The following RGL1 variants were observed in gnomAD, a reference collection of about 807,000 sequenced individuals.
The protein encoded by RGL1 is ral guanine nucleotide dissociation stimulator-like 1.
Under a neutral mutation model 95.2 loss-of-function variants are expected in RGL1, and 24 were observed. The observed-to-expected ratio is 0.25, with a 90% CI of 0.18 to 0.35. The LOEUF is 0.35. Ranked by LOEUF, RGL1 falls within the 10% of genes least tolerant of loss-of-function variation. The pLI is 1.00. For synonymous variants in RGL1, 329 were observed against 344.9 expected (o/e 0.95, Z 0.51); for missense variants, 715 against 936.3 (o/e 0.76, Z 3.08).
intron 1 of RGL1, among the ~76,000 whole-genome samples, chr1:183,674,482 T>C (rs2102061214): frequency 6.6e-6 from 1 of 152,298 alleles, no homozygotes; most frequent in South Asian, 2.1e-4. Context: ...ATGCAACCTT[T>C]TTACTCTGAG....
intron 2 of RGL1, among the ~76,000 whole-genome samples, chr1:183,791,574 C>A (rs1660442724): frequency 6.6e-6 from 1 of 152,152 alleles, no homozygotes; most frequent in South Asian, 2.1e-4. Context: ...ACTAAGACTT[C>A]CAATTAACTT....
chr1:183,776,857 C>T (rs1440385636), intron 2 of RGL1, among the ~76,000 whole-genome samples: 1 of 152,118 alleles, frequency 6.6e-6, no homozygotes, highest in African/African-American at 2.4e-5. Context: ...TCACTGTTAG[C>T]GAGGTCTCCA....
chr1:183,667,548 ACTCCCAAC>A (rs1462157885), intron 1 of RGL1, among the ~76,000 whole-genome samples: 1 of 150,988 alleles, frequency 6.6e-6, no homozygotes, highest in Non-Finnish European at 1.5e-5. Flanking sequence ...CGTGTCTCTA[ACTCCCAAC>A]CTCAGGTGAT....
At chr1:183,864,699 A>G (rs1334477310) in intron 3 of RGL1, among the ~76,000 whole-genome samples, 4 of 152,248 alleles carry the variant, frequency 2.6e-5, no homozygotes, top group African/African-American at 7.2e-5. Flanking sequence ...AGAGGAAAAG[A>G]GAGGGTGGAG....
At chr1:183,776,772 G>C (rs1207410234) in intron 2 of RGL1, among the ~76,000 whole-genome samples, 1 of 152,130 alleles carries the variant, frequency 6.6e-6, no homozygotes, top group Non-Finnish European at 1.5e-5. Context: ...AGAGGGCAGG[G>C]GTCTGATCAT....
Position 183,736,160 on chromosome 1 carries a change from C to T in RGL1, c.-32-5966C>T, listed in dbSNP as rs192785909. On this transcript the variant is annotated intron_variant, in intron 1 of 18. Transcript: ENST00000304685. ...GTAAAGAGGCTATTTTAATATCATA[C>T]TGTTTGTTTGACTTTTGAGTAGTGA... Among the ~76,000 whole-genome samples the T allele has an allele frequency of 9.3e-4, 142 of 152,278 alleles. 2 individuals are homozygous for T. Among genetic ancestry groups the T allele is most frequent in the Non-Finnish European group, 3.4e-4 (23 of 68,028 alleles).
In RGL1 at chr1:183,682,690, G is replaced by T. The variant is rs193019644; in HGVS notation, c.-33+46189G>T. ...TGTAGACGTCTATTAGATGTGCTTG[G>T]TCCAGAGCTGAGTTCAAGTCCTGAA... is the stretch of plus-strand genomic sequence containing the variant. On this transcript the variant is annotated intron_variant, in intron 1 of 18. Coordinates refer to the RGL1 transcript ENST00000304685. Among the ~76,000 whole-genome samples, 18 of 152,272 alleles carry T rather than the reference G, an allele frequency of 1.2e-4. No homozygotes were observed. In the East Asian group the frequency reaches 3.3e-3, roughly 28 times the overall value.
intron 2 of RGL1, among the ~76,000 whole-genome samples, chr1:183,782,998 A>G (rs1288363667): frequency 6.6e-6 from 1 of 152,148 alleles, no homozygotes; most frequent in East Asian, 1.9e-4. Flanking sequence ...TTCCACTGGT[A>G]CTGAATTTCT....
At chr1:183,751,819 T>C (rs1658020671) in intron 2 of RGL1, among the ~76,000 whole-genome samples, 1 of 152,136 alleles carries the variant, frequency 6.6e-6, no homozygotes, top group Admixed American at 6.5e-5. Flanking sequence ...CCCTGACCCC[T>C]TGCACTTCCC....
At chr1:183,883,349 C>T (rs1390387270) in intron 5 of RGL1, among the ~76,000 whole-genome samples, 1 of 152,188 alleles carries the variant, frequency 6.6e-6, no homozygotes, top group Non-Finnish European at 1.5e-5. Context: ...ATTTTATTGC[C>T]CAAAGTCATA....
intron 7 of RGL1, among the ~76,000 whole-genome samples, chr1:183,887,608 T>C (rs879434884): frequency 6.6e-6 from 1 of 152,132 alleles, no homozygotes; most frequent in Admixed American, 6.6e-5. Context: ...CTCACGTTGC[T>C]ACCTTCCCCA....
chr1:183,650,811 A>C (rs1650692687), intron 1 of RGL1, among the ~76,000 whole-genome samples: 1 of 151,230 alleles, frequency 6.6e-6, no homozygotes, highest in Non-Finnish European at 1.5e-5. Flanking sequence ...ACATTCTCTT[A>C]CAATGTTGTT....
intron 3 of RGL1, among the ~76,000 whole-genome samples, chr1:183,864,673 G>A (rs1207868018): frequency 6.6e-6 from 1 of 152,204 alleles, no homozygotes; most frequent in Non-Finnish European, 1.5e-5. Context: ...TAAATAGCAG[G>A]TGCAGGACAG....
At chr1:183,810,867 A>G (rs1661662449) in intron 2 of RGL1, among the ~76,000 whole-genome samples, 1 of 152,168 alleles carries the variant, frequency 6.6e-6, no homozygotes, top group Non-Finnish European at 1.5e-5. Flanking sequence ...CTCCAGAGGC[A>G]TTCTGCGTCT....
At chr1:183,704,901 A>C (rs772256396) in intron 1 of RGL1, among the ~76,000 whole-genome samples, 1 of 152,208 alleles carries the variant, frequency 6.6e-6, no homozygotes, top group Non-Finnish European at 1.5e-5. Context: ...GCCATCCAAG[A>C]ACTGTGGCTT....
At chr1:183,889,058 A>G (rs574970590) in intron 8 of RGL1, among the ~76,000 whole-genome samples, 1 of 152,124 alleles carries the variant, frequency 6.6e-6, no homozygotes, top group Admixed American at 6.5e-5. Context: ...AAACCTTTAA[A>G]TGTTCTTTCC....
At chr1:183,699,816 C>T (rs1235256519) in intron 1 of RGL1, among the ~76,000 whole-genome samples, 2 of 152,162 alleles carry the variant, frequency 1.3e-5, no homozygotes, top group East Asian at 3.8e-4. Context: ...TTCATCAGCC[C>T]CTTCCTCATT....
At chr1:183,914,498 T>C (rs962518467) in intron 15 of RGL1, among the ~76,000 whole-genome samples, 2 of 152,154 alleles carry the variant, frequency 1.3e-5, no homozygotes, top group African/African-American at 4.8e-5. Context: ...ATAGCTGGAC[T>C]GAGCTGACCT....
chr1:183,818,823 A>G (rs746175962), intron 2 of RGL1, among the ~76,000 whole-genome samples: 9 of 152,188 alleles, frequency 5.9e-5, no homozygotes, highest in Non-Finnish European at 1.2e-4. Flanking sequence ...AAGCAAAAGG[A>G]AAACATTGAA....
Sources: allele counts gnomAD v4.1 joint callset (sites outside exome capture counted in the v4.1 genomes callset), GRCh38; gene constraint gnomAD v4.1.1; transcripts MANE v1.5; gene names NCBI Gene and HGNC (gene_info 2026-07-23, HGNC 2026-07-21).